Variants in ADGRD2 observed in about 807,000 individuals in gnomAD.
ADGRD2 encodes adhesion G protein-coupled receptor D2, also known as G protein-coupled receptor PGR24.
In ADGRD2, 71 loss-of-function variants were observed where a neutral mutation model predicts 44.4. The ratio of observed to expected loss-of-function variants is 1.60; its 90% CI spans 1.32 to 1.95. The LOEUF (loss-of-function observed/expected upper bound fraction) is 1.95. ADGRD2 is among the 30% of genes most tolerant of loss of function. The pLI is 0.00. For synonymous variants in ADGRD2, 481 were observed against 224.8 expected (o/e 2.14, Z -10.19); for missense variants, 1,039 against 512.4 (o/e 2.03, Z -9.92).
chr9:124,475,997 G>A (rs568571131), intron 19 of ADGRD2, among the ~76,000 whole-genome samples: 45 of 152,332 alleles, frequency 3.0e-4, no homozygotes, highest in African/African-American at 1.0e-3. Context: ...CAGGAAACCC[G>A]GGCTTCTGGG....
intron 21 of ADGRD2, 109 bp downstream of exon 24, chr9:124,476,818 C>A: frequency 1.5e-6 from 1 of 672,440 alleles, no homozygotes; most frequent in South Asian, 1.6e-5. Context: ...CCCAACCTCC[C>A]GCAATTGCAG....
intron 13 of ADGRD2, 32 bp from the exon 17 acceptor site, chr9:124,468,487 G>T: frequency 1.4e-6 from 1 of 717,804 alleles, no homozygotes. Flanking sequence ...GTCTGACCTC[G>T]GACCTGGGTG....
chr9:124,473,059 A>C, intron 17 of ADGRD2, among the ~76,000 whole-genome samples: 1 of 149,484 alleles, frequency 6.7e-6, no homozygotes, highest in Non-Finnish European at 1.5e-5. Context: ...CTTTCCCTTC[A>C]CCTCTCCTTT....
chr9:124,468,698 C>T, intron 14 of ADGRD2, 26 bp downstream of exon 17: 1 of 700,270 alleles, frequency 1.4e-6, no homozygotes, highest in Non-Finnish European at 2.6e-6. Context: ...CACCCACACT[C>T]TCTTCTCCTC....
chr9:124,477,013 G>A (rs776313101), intron 21 of ADGRD2: 22 of 643,536 alleles, frequency 3.4e-5, no homozygotes, highest in Non-Finnish European at 6.2e-5. Flanking sequence ...GCGCTGCCAA[G>A]GAGCACAGCC....
chr9:124,453,193 G>A (rs1397520333), exon 3 of ADGRD2: 7 of 679,362 alleles, frequency 1.0e-5, no homozygotes, highest in East Asian at 5.8e-5. Flanking sequence ...CTCCGTTGCC[G>A]CGCCCGCGCT....
intron 21 of ADGRD2, among the ~76,000 whole-genome samples, chr9:124,477,483 AG>A (rs978686206): frequency 2.0e-5 from 3 of 152,040 alleles, no homozygotes; most frequent in East Asian, 1.9e-4. Flanking sequence ...AGAGAGGGGG[AG>A]GGGGAGGTGC....
In ADGRD2 at chr9:124,454,791, G is replaced by T. The variant is rs1207858497; in HGVS notation, c.1109-52G>T. The T allele has an allele frequency of 1.1e-5, 7 of 637,188 alleles. No homozygotes were observed. The highest frequency in any genetic ancestry group is 4.7e-5 in the Admixed American group (2 of 42,160). 39.5% of individuals were successfully genotyped at this position (637,188 alleles called of 1,614,324 possible). On this transcript the variant is annotated intron_variant, in intron 5 of 21. Coordinates refer to ENST00000334810, the Ensembl canonical transcript of ADGRD2. The surrounding 1 kb of genome is among the most constrained non-coding windows in gnomAD (Gnocchi z 4.5). Reference sequence around the variant, plus strand: ...GCAAAGCCCAAGTGTGGCCCTTGGGGGGATCCCCTCATAACAACCAGACCC... The same window carrying T: ...GCAAAGCCCAAGTGTGGCCCTTGGGTGGATCCCCTCATAACAACCAGACCC...
chr9:124,476,484 G>C lies in ADGRD2; in HGVS notation c.2904+69G>C, dbSNP rs116810303. 13 of 676,846 alleles carry C rather than the reference G, an allele frequency of 1.9e-5. No individual in the cohort carries two copies. The African/African-American group carries it at 2.1e-4, about 11-fold the overall frequency. 41.9% of individuals were successfully genotyped at this position (676,846 alleles called of 1,614,324 possible). ...GCTGGCAAAGCCAGCAGGCAAAGTC[G>C]GGAAGCCACAGGGCCTGGGTAGGGC... On this transcript the variant is annotated intron_variant, in intron 20 of 21. Transcript: ENST00000334810.
chr9:124,471,258 C>T (rs1831941079), intron 17 of ADGRD2, among the ~76,000 whole-genome samples: 1 of 152,114 alleles, frequency 6.6e-6, no homozygotes, highest in Admixed American at 6.5e-5. Context: ...CCTCGACCTC[C>T]CTGGACCACC....
At position 124,462,231 on chromosome 9, in the gene ADGRD2, A is replaced by AT. The variant is rs903555161; in HGVS notation, c.1870+3520dup. On this transcript the variant is annotated intron_variant, in intron 10 of 21. Transcript: ENST00000334810. Reference sequence around the variant, plus strand: ...ACAGGCGATCTACCATGCCTGGCTAATTTTTTTTTTCTCTTTTTGTAGAGA... The same window carrying AT: ...ACAGGCGATCTACCATGCCTGGCTAATTTTTTTTTTTCTCTTTTTGTAGAGA... Among the ~76,000 whole-genome samples the AT allele has an allele frequency of 4.2e-3, 601 of 142,928 alleles. 5 individuals carry two copies. The highest frequency in any genetic ancestry group is 0.015 in the African/African-American group (567 of 38,404). 93.8% of individuals were successfully genotyped at this position (142,928 alleles called of 152,430 possible).
upstream of ADGRD2, chr9:124,451,092 T>C (rs1831456930): frequency 1.1e-5 from 5 of 471,972 alleles, no homozygotes; most frequent in Non-Finnish European, 2.2e-5. Context: ...TGGGAGGCAG[T>C]CCAGGCAGGA....
chr9:124,478,089 G>A (rs1832083142), intron 21 of ADGRD2, among the ~76,000 whole-genome samples, 192 bp from the exon 25 acceptor site: 1 of 152,172 alleles, frequency 6.6e-6, no homozygotes, highest in South Asian at 2.1e-4. Flanking sequence ...CCTTCGCGGG[G>A]CCGCCACCGC....
chr9:124,477,765 G>A lies in ADGRD2; in HGVS notation c.*19-516G>A, dbSNP rs534450882. Among the ~76,000 whole-genome samples the A allele has an allele frequency of 6.0e-3, 918 of 152,154 alleles. 3 individuals are homozygous for A. The highest frequency in any genetic ancestry group is 0.01 in the Non-Finnish European group (692 of 67,954). ...AATGGGCTGGAGGCGCCCCCCACAG[G>A]CCCGCCCAGGCGCCCCCCGGGGCCA... On this transcript the variant is annotated intron_variant, in intron 21 of 21. Coordinates refer to ENST00000334810, the Ensembl canonical transcript of ADGRD2.
chr9:124,465,929 T>G (rs1570579), intron 10 of ADGRD2: 143,685 of 201,612 alleles, frequency 0.71, 52,599 homozygotes, highest in African/African-American at 0.9. Flanking sequence ...GCCGGGGCCC[T>G]TGGACTCTTG....
Position 124,457,413 on chromosome 9 carries a change from C to T in ADGRD2, c.1506-59C>T, listed in dbSNP as rs550253427. 9.5e-6 allele frequency: 5 copies of T among 524,530 alleles called. No homozygotes were observed. The South Asian group carries it at 1.4e-4, about 15-fold the overall frequency. The allele number at this position is 524,530 out of a possible 1,614,324, so 32.5% of individuals were successfully genotyped here. A position where few individuals can be genotyped will look rare whatever the true frequency, so the allele number is the denominator to read the frequency against. On this transcript the variant is annotated intron_variant, in intron 7 of 21. Transcript: ENST00000334810. ...AGGGATCCAGACCCTGCTAGCTGGG[C>T]CTGCTCAGCAGAAAGACCTCACTCC...
chr9:124,473,991 C>T (rs982606809), intron 17 of ADGRD2, among the ~76,000 whole-genome samples: 1 of 151,780 alleles, frequency 6.6e-6, no homozygotes, highest in Non-Finnish European at 1.5e-5. Flanking sequence ...AGAGCTCAGA[C>T]TTGGCCAGGT....
upstream of ADGRD2, chr9:124,451,023 G>A (rs1321066781): frequency 2.1e-6 from 1 of 470,792 alleles, no homozygotes. Flanking sequence ...GCGTCTGGCT[G>A]TGGCACACCC....
In ADGRD2 at chr9:124,454,117, C is replaced by T. The variant is rs746256122; in HGVS notation, c.1022+20C>T. 4 of 664,736 alleles carry T rather than the reference C, an allele frequency of 6.0e-6. No homozygotes were observed. In the African/African-American group the frequency reaches 7.2e-5, roughly 12 times the overall value. The allele number at this position is 664,736 out of a possible 1,614,324, so 41.2% of individuals were successfully genotyped here. On this transcript the variant is annotated intron_variant, in intron 4 of 21. Transcript: ENST00000334810. The surrounding 1 kb of genome is among the most constrained non-coding windows in gnomAD (Gnocchi z 4.5). ...GGACAGGTGCGCCCTGGCTGTACCC[C>T]TGGGCTCTGCTGAAGGGAAAGCCGG...
Sources: allele counts gnomAD v4.1 joint callset (sites outside exome capture counted in the v4.1 genomes callset), GRCh38; gene constraint gnomAD v4.1.1; non-coding constraint Gnocchi (gnomAD v3.1); transcripts MANE v1.5; gene names NCBI Gene and HGNC (gene_info 2026-07-23, HGNC 2026-07-21).